CERS6: variants seen among roughly 807,000 people sequenced by gnomAD.
The protein encoded by CERS6 is ceramide synthase 6, also known as LAG1 homolog, ceramide synthase 6.
Under a neutral mutation model 56.8 loss-of-function variants are expected in CERS6, and 26 were observed. That is an observed-to-expected ratio of 0.46 (90% CI 0.34 to 0.63). The LOEUF is 0.63. Among genes scored for constraint, CERS6 ranks in the 30% least tolerant of loss-of-function variants. The pLI, the probability that CERS6 is intolerant of heterozygous loss-of-function variation, is 0.01. For missense variants in CERS6, 415 were observed against 467.5 expected (o/e 0.89, Z 1.04); for synonymous variants, 164 against 173.3 (o/e 0.95, Z 0.42).
chr2:168,661,876 G>A (rs537499175), intron 4 of CERS6, among the ~76,000 whole-genome samples: 1 of 152,312 alleles, frequency 6.6e-6, no homozygotes, highest in African/African-American at 2.4e-5. Flanking sequence ...CACTGGTAGT[G>A]CATTTTGATA....
intron 3 of CERS6, among the ~76,000 whole-genome samples, chr2:168,586,983 C>T (rs1683559185): frequency 6.6e-6 from 1 of 152,014 alleles, no homozygotes; most frequent in Non-Finnish European, 1.5e-5. Context: ...CCAGCCTGGC[C>T]AACATGGTGA....
At position 168,700,539 on chromosome 2, in the gene CERS6, A is replaced by C. The variant is rs192346190; in HGVS notation, c.609+5488A>C. ...AGGGAGAAAGGTTACATATTGTAAT[A>C]AAGGACAATCCTTTAAATTTATCAT... On this transcript the variant is annotated intron_variant, in intron 6 of 9. Transcript: ENST00000305747. Among the ~76,000 whole-genome samples, 72 of 152,330 alleles carry C rather than the reference A, an allele frequency of 4.7e-4. 1 individual carries two copies. Among genetic ancestry groups the C allele is most frequent in the African/African-American group, 1.7e-3 (69 of 41,570 alleles).
intron 1 of CERS6, among the ~76,000 whole-genome samples, chr2:168,485,216 G>A (rs1694255085): frequency 6.7e-6 from 1 of 149,048 alleles, no homozygotes; most frequent in Non-Finnish European, 1.5e-5. Flanking sequence ...TTAATCAGTT[G>A]TAGGTTTACA....
chr2:168,626,457 G>A (rs1684592943), intron 3 of CERS6, among the ~76,000 whole-genome samples: 2 of 152,146 alleles, frequency 1.3e-5, no homozygotes, highest in South Asian at 4.1e-4. Context: ...TGCTTCAAAT[G>A]CACATTTTAG....
intron 5 of CERS6, 59 bp from the exon 6 acceptor site, chr2:168,694,900 G>A (rs1201018899): frequency 7.7e-7 from 1 of 1,306,506 alleles, no homozygotes; most frequent in Non-Finnish European, 1.1e-6. Context: ...AGATGTCTGG[G>A]ATACAAATTG....
chr2:168,773,030 A>G lies in CERS6; in HGVS notation c.*3368A>G, dbSNP rs373878946. 3 of 152,334 alleles carry G rather than the reference A, an allele frequency of 2.0e-5. 1 individual carries two copies. 9.4% of individuals were successfully genotyped at this position (152,334 alleles called of 1,614,324 possible). On this transcript the variant is annotated 3_prime_UTR_variant, in exon 10 of 10. Transcript: ENST00000305747. The stretch of plus-strand genomic sequence containing the variant: ...TAGGTAGAAAGGGCCTGAATCTTCC[A>G]TTTTATATTCAAACCTCATTGTTAT...
chr2:168,686,727 T>C (rs1686363631), intron 4 of CERS6, among the ~76,000 whole-genome samples: 1 of 152,154 alleles, frequency 6.6e-6, no homozygotes, highest in Admixed American at 6.5e-5. Context: ...AGAGCCCAGC[T>C]GGCCTAGGTT....
chr2:168,523,321 T>G (rs1028503215), intron 1 of CERS6, among the ~76,000 whole-genome samples: 3 of 152,128 alleles, frequency 2.0e-5, no homozygotes, highest in African/African-American at 4.8e-5. Context: ...GGGAAGAAGA[T>G]TTTTTTCAGT....
intron 1 of CERS6, among the ~76,000 whole-genome samples, chr2:168,463,585 C>G (rs1485257322): frequency 6.6e-6 from 1 of 152,066 alleles, no homozygotes; most frequent in Non-Finnish European, 1.5e-5. Flanking sequence ...TTCGTATTTC[C>G]TTATCAGAAT....
chr2:168,620,351 A>G (rs1008331285), intron 3 of CERS6, among the ~76,000 whole-genome samples: 1 of 152,068 alleles, frequency 6.6e-6, no homozygotes, highest in Non-Finnish European at 1.5e-5. Flanking sequence ...GGTGCACCAA[A>G]GTCTCACAAA....
chr2:168,649,812 C>G (rs1376418276), intron 4 of CERS6, among the ~76,000 whole-genome samples: 2 of 152,054 alleles, frequency 1.3e-5, no homozygotes, highest in Non-Finnish European at 2.9e-5. Context: ...CCCCATCACA[C>G]TCTTTCCCCC....
chr2:168,577,495 T>TA (rs1290209969), intron 3 of CERS6, among the ~76,000 whole-genome samples: 1 of 152,168 alleles, frequency 6.6e-6, no homozygotes, highest in Non-Finnish European at 1.5e-5. Flanking sequence ...GATTTTTTTT[T>TA]AACAAGGGAA....
At chr2:168,666,766 G>C (rs1685772178) in intron 4 of CERS6, among the ~76,000 whole-genome samples, 1 of 152,340 alleles carries the variant, frequency 6.6e-6, no homozygotes, top group African/African-American at 2.4e-5. Context: ...GCATGCATGA[G>C]TGGTGCCACG....
intron 1 of CERS6, among the ~76,000 whole-genome samples, chr2:168,533,241 C>A (rs903266915): frequency 6.6e-6 from 1 of 152,080 alleles, no homozygotes; most frequent in Non-Finnish European, 1.5e-5. Context: ...GTGTCTCTGC[C>A]AGGTTTTGGT....
chr2:168,530,571 A>G (rs1458609158), intron 1 of CERS6, among the ~76,000 whole-genome samples: 1 of 152,234 alleles, frequency 6.6e-6, no homozygotes, highest in Non-Finnish European at 1.5e-5. Context: ...TCATTGTTTA[A>G]GATGAAGACA....
intron 3 of CERS6, among the ~76,000 whole-genome samples, chr2:168,574,765 T>A (rs1490315363): frequency 6.6e-6 from 1 of 152,224 alleles, no homozygotes; most frequent in African/African-American, 2.4e-5. Context: ...ATTCTAAGCT[T>A]GCTTAATACT....
chr2:168,584,602 C>G (rs146089194), intron 3 of CERS6, among the ~76,000 whole-genome samples: 2 of 152,170 alleles, frequency 1.3e-5, no homozygotes, highest in African/African-American at 4.8e-5. Flanking sequence ...TCAGTTTATC[C>G]CAACGACTCT....
In CERS6 at chr2:168,541,159, G is replaced by C. The variant is rs1695361310; in HGVS notation, c.171-6437G>C. Among the ~76,000 whole-genome samples, 4 of 152,124 alleles carry C rather than the reference G, an allele frequency of 2.6e-5. No homozygotes were observed. In the South Asian group the frequency reaches 8.3e-4, roughly 32 times the overall value. On this transcript the variant is annotated intron_variant, in intron 1 of 9. Transcript: ENST00000305747. ...GCTCTTGTGGAAACTCATAGAGCTA[G>C]AGCTCACCCACCCCTGAGGGACAGC...
At chr2:168,673,119 G>T (rs1214283252) in intron 4 of CERS6, among the ~76,000 whole-genome samples, 1 of 152,130 alleles carries the variant, frequency 6.6e-6, no homozygotes, top group Non-Finnish European at 1.5e-5. Flanking sequence ...TATGAAGAGG[G>T]TGGGTATTAA....
Sources: gnomAD v4.1 joint callset for allele counts (sites outside exome capture counted in the v4.1 genomes callset) on GRCh38, gnomAD v4.1.1 for gene constraint, MANE v1.5 for transcripts, NCBI Gene and HGNC (gene_info 2026-07-23, HGNC 2026-07-21) for gene names.